The following YAP1 variants were observed in gnomAD, a reference collection of about 807,000 sequenced individuals.
The protein encoded by YAP1 is Yes1 associated transcriptional regulator.
YAP1 carries 5 observed loss-of-function variants against 56.9 expected under a neutral mutation model. That is an observed-to-expected ratio of 0.09 (90% CI 0.05 to 0.18). The LOEUF is 0.18. Ranked by LOEUF, YAP1 falls within the 10% of genes least tolerant of loss-of-function variation. The pLI, the probability that YAP1 is intolerant of heterozygous loss-of-function variation, is 1.00. For missense variants in YAP1, 539 were observed against 651.8 expected, an observed-to-expected ratio of 0.83 and a Z score of 1.88; for synonymous variants, 265 against 248.1, an observed-to-expected ratio of 1.07 and a Z score of -0.64.
chr11:102,219,575 T>C (rs1399347926), intron 6 of YAP1, among the ~76,000 whole-genome samples: 1 of 151,982 alleles, frequency 6.6e-6, no homozygotes, highest in Non-Finnish European at 1.5e-5. Flanking sequence ...CTTTGTAAGA[T>C]GAGCATGGGA....
chr11:102,201,311 T>C (rs375983874), intron 4 of YAP1, among the ~76,000 whole-genome samples: 4 of 152,152 alleles, frequency 2.6e-5, no homozygotes, highest in Non-Finnish European at 4.4e-5. Flanking sequence ...TGCTACCATA[T>C]ATCAAAGAAG....
Position 102,114,827 on chromosome 11 carries a change from C to A in YAP1, c.572+433C>A, listed in dbSNP as rs569969041. ...TAAATATTTTATTGGTAGAGAACTA[C>A]AAAATAAGTAGGGCTTTTGGGGGAG... On this transcript the variant is annotated intron_variant, in intron 2 of 8. Coordinates refer to ENST00000282441, the MANE Select transcript of YAP1 (RefSeq NM_001130145.3). 2.0e-4 allele frequency among the ~76,000 whole-genome samples: 30 copies of A among 152,134 alleles called. No individual in the cohort carries two copies. The South Asian group carries it at 6.2e-3, about 32-fold the overall frequency.
chr11:102,161,345 TACACACAC>T (rs34552492), intron 2 of YAP1, among the ~76,000 whole-genome samples: 2,154 of 141,200 alleles, frequency 0.015, 24 homozygotes, highest in African/African-American at 0.02. Context: ...GTACTTTCAC[TACACACAC>T]ACACACACAC....
At chr11:102,201,201 A>G (rs1346350802) in intron 4 of YAP1, among the ~76,000 whole-genome samples, 6 of 152,100 alleles carry the variant, frequency 3.9e-5, no homozygotes, top group Admixed American at 3.3e-4. Context: ...CAGCTATGTC[A>G]ATAGGAAAAT....
At chr11:102,229,468 C>A (rs73585832) in intron 8 of YAP1, among the ~76,000 whole-genome samples, 1 of 152,158 alleles carries the variant, frequency 6.6e-6, no homozygotes, top group African/African-American at 2.4e-5. Flanking sequence ...TAGTGCTCAG[C>A]ACATAATAGC....
rs1419245362 is a variant in YAP1, at chr11:102,167,970, C to A, written c.688+5399C>A. On this transcript the variant is annotated intron_variant, in intron 3 of 8. Transcript: ENST00000282441. ...AGATTGGAAGGATAGCTTGAGCCCACGAGGTCAAGGCTGCAGTGAGCCATA... is the reference window on the plus strand; with the variant it reads ...AGATTGGAAGGATAGCTTGAGCCCAAGAGGTCAAGGCTGCAGTGAGCCATA... Among the ~76,000 whole-genome samples, 3 of 152,096 alleles carry A rather than the reference C, an allele frequency of 2.0e-5. No individual in the cohort carries two copies. In the South Asian group the frequency reaches 6.2e-4, roughly 32 times the overall value.
At position 102,162,579 on chromosome 11, in the gene YAP1, A is replaced by T. The variant is rs768554661; in HGVS notation, c.688+8A>T. Reference sequence around the variant, plus strand: ...TGATGAACTCGGCTTCAGGTGAGTGAGACACTGTAATTACAGCACATGGAG... The same window carrying T: ...TGATGAACTCGGCTTCAGGTGAGTGTGACACTGTAATTACAGCACATGGAG... On this transcript the variant is annotated splice_region_variant and intron_variant, in intron 3 of 8. Coordinates refer to ENST00000282441, the MANE Select transcript of YAP1 (RefSeq NM_001130145.3). The T allele has an allele frequency of 6.2e-7, 1 of 1,611,388 alleles. No homozygotes were observed. The highest frequency in any genetic ancestry group is 8.5e-7 in the Non-Finnish European group (1 of 1,177,440).
intron 4 of YAP1, among the ~76,000 whole-genome samples, chr11:102,188,847 A>G (rs76770152): frequency 0.012 from 1,789 of 152,330 alleles, 15 homozygotes; most frequent in Non-Finnish European, 0.018. Flanking sequence ...TTCACATCTC[A>G]CATGAAATTA....
intron 4 of YAP1, among the ~76,000 whole-genome samples, chr11:102,191,214 T>C (rs1218838318): frequency 6.6e-6 from 1 of 152,106 alleles, no homozygotes; most frequent in Non-Finnish European, 1.5e-5. Context: ...CTCACAAAAT[T>C]TGGCCCTCAT....
At chr11:102,155,527 T>C (rs1945889204) in intron 2 of YAP1, among the ~76,000 whole-genome samples, 1 of 152,188 alleles carries the variant, frequency 6.6e-6, no homozygotes, top group South Asian at 2.1e-4. Flanking sequence ...CTTGACTGTT[T>C]GTATTATTTT....
intron 7 of YAP1, 29 bp from the exon 8 acceptor site, chr11:102,227,439 TG>T: frequency 6.6e-7 from 1 of 1,512,732 alleles, no homozygotes; most frequent in Non-Finnish European, 9.1e-7. Flanking sequence ...AAATTTTTTG[TG>T]TTGGTCTTTA....
At chr11:102,215,360 G>A (rs1949609177) in intron 6 of YAP1, among the ~76,000 whole-genome samples, 1 of 152,086 alleles carries the variant, frequency 6.6e-6, no homozygotes, top group Non-Finnish European at 1.5e-5. Context: ...TTGCTCCTGT[G>A]CCATATATTA....
intron 2 of YAP1, among the ~76,000 whole-genome samples, chr11:102,160,936 AT>A (rs772863886): frequency 6.6e-5 from 10 of 150,516 alleles, no homozygotes; most frequent in Non-Finnish European, 1.3e-4. Flanking sequence ...ATAACCACCT[AT>A]TTAGCTTTTT....
At chr11:102,142,332 G>T (rs957511548) in intron 2 of YAP1, among the ~76,000 whole-genome samples, 1 of 152,196 alleles carries the variant, frequency 6.6e-6, no homozygotes, top group African/African-American at 2.4e-5. Context: ...AGAATGCAAA[G>T]TAATTTTAAG....
intron 3 of YAP1, among the ~76,000 whole-genome samples, chr11:102,185,433 T>C (rs1947895851): frequency 1.3e-5 from 2 of 152,250 alleles, no homozygotes; most frequent in East Asian, 1.9e-4. Context: ...CCCAACCCAT[T>C]AGCAATTTCT....
At chr11:102,148,267 C>A (rs1406636462) in intron 2 of YAP1, among the ~76,000 whole-genome samples, 1 of 152,128 alleles carries the variant, frequency 6.6e-6, no homozygotes, top group Non-Finnish European at 1.5e-5. Context: ...TCTGACTTGT[C>A]TATAAACACA....
At chr11:102,187,969 C>T (rs536265938) in intron 4 of YAP1, among the ~76,000 whole-genome samples, 8 of 152,214 alleles carry the variant, frequency 5.3e-5, no homozygotes, top group Admixed American at 2.0e-4. Context: ...TTTTGTGGCC[C>T]GACTTTTAAT....
intron 2 of YAP1, among the ~76,000 whole-genome samples, chr11:102,143,890 G>C (rs1332816709): frequency 1.3e-5 from 2 of 152,188 alleles, no homozygotes; most frequent in Non-Finnish European, 2.9e-5. Flanking sequence ...GAACTGTCCT[G>C]CTTGGAATTT....
intron 1 of YAP1, chr11:102,112,778 T>C: frequency 1.0e-6 from 1 of 985,262 alleles, no homozygotes; most frequent in Non-Finnish European, 1.2e-6. Flanking sequence ...TCGAAGTGGG[T>C]TTATGGACTC....
Sources: gnomAD v4.1 joint callset for allele counts (sites outside exome capture counted in the v4.1 genomes callset) on GRCh38, gnomAD v4.1.1 for gene constraint, MANE v1.5 for transcripts, NCBI Gene and HGNC (gene_info 2026-07-23, HGNC 2026-07-21) for gene names.